Variants in TAOK3 observed in about 807,000 individuals in gnomAD.
TAOK3 encodes the protein TAO kinase 3, also known as serine/threonine-protein kinase TAO3.
In TAOK3, 40 loss-of-function variants were observed where a neutral mutation model predicts 120.4. That is an observed-to-expected ratio of 0.33 (90% CI 0.26 to 0.43). The LOEUF is 0.43. Ranked by LOEUF, TAOK3 falls within the 20% of genes least tolerant of loss-of-function variation. The pLI is 1.00. For missense variants in TAOK3, 821 were observed against 1,112.1 expected, an observed-to-expected ratio of 0.74 and a Z score of 3.72; for synonymous variants, 355 against 387.5, an observed-to-expected ratio of 0.92 and a Z score of 0.99.
chr12:118,308,311 C>T (rs2140810571), intron 1 of TAOK3, among the ~76,000 whole-genome samples: 1 of 152,202 alleles, frequency 6.6e-6, no homozygotes, highest in Admixed American at 6.5e-5. Flanking sequence ...AAGAAATAAC[C>T]ATAAAACTGG....
At chr12:118,300,828 T>G (rs12828565) in intron 1 of TAOK3, among the ~76,000 whole-genome samples, 1 of 152,060 alleles carries the variant, frequency 6.6e-6, no homozygotes, top group Admixed American at 6.6e-5. Context: ...CAGGCTGGAG[T>G]GCAATGGCAC....
At chr12:118,214,752 T>C (rs995560787) in intron 9 of TAOK3, among the ~76,000 whole-genome samples, 7 of 150,358 alleles carry the variant, frequency 4.7e-5, no homozygotes, top group Admixed American at 1.3e-4. Context: ...CTTTCTTTTT[T>C]TTTTTTTTTT....
intron 1 of TAOK3, among the ~76,000 whole-genome samples, chr12:118,323,180 T>C (rs1465915020): frequency 2.6e-5 from 4 of 152,186 alleles, no homozygotes; most frequent in African/African-American, 9.7e-5. Flanking sequence ...GCTTGTCCTA[T>C]TGTGTAGTAA....
chr12:118,329,862 A>C (rs950659634), intron 1 of TAOK3, among the ~76,000 whole-genome samples: 1 of 152,174 alleles, frequency 6.6e-6, no homozygotes, highest in Non-Finnish European at 1.5e-5. Context: ...TTCCGCCAGG[A>C]CTCAGAAATG....
chr12:118,309,870 C>G (rs1426435630), intron 1 of TAOK3, among the ~76,000 whole-genome samples: 3 of 152,018 alleles, frequency 2.0e-5, no homozygotes, highest in Non-Finnish European at 4.4e-5. Flanking sequence ...GCAGATTATC[C>G]ACAATTATTA....
chr12:118,181,913 G>A (rs897963529), intron 14 of TAOK3, among the ~76,000 whole-genome samples: 3 of 152,206 alleles, frequency 2.0e-5, no homozygotes, highest in Non-Finnish European at 4.4e-5. Context: ...GGCCGGGCAC[G>A]ATGGCTTACG....
intron 1 of TAOK3, among the ~76,000 whole-genome samples, chr12:118,353,497 CAGA>C (rs1288798533): frequency 2.6e-5 from 4 of 151,782 alleles, no homozygotes; most frequent in East Asian, 1.9e-4. Context: ...GAAAGTCAAG[CAGA>C]AGAAGTTAGA....
chr12:118,360,660 A>G, intron 1 of TAOK3, among the ~76,000 whole-genome samples: 1 of 152,234 alleles, frequency 6.6e-6, no homozygotes, highest in East Asian at 1.9e-4. Context: ...GGCACTAGGA[A>G]TACAATAATG....
chr12:118,198,932 G>T, intron 13 of TAOK3, 119 bp downstream of exon 13: 1 of 1,037,562 alleles, frequency 9.6e-7, no homozygotes, highest in Non-Finnish European at 1.5e-6. Context: ...CACATGCCAG[G>T]TTTAGTACCA....
intron 5 of TAOK3, 133 bp from the exon 6 acceptor site, chr12:118,239,405 AT>A: frequency 3.6e-6 from 2 of 562,182 alleles, no homozygotes; most frequent in African/African-American, 2.0e-5. Flanking sequence ...CTTGGACTGA[AT>A]TTTTGTCATC....
At chr12:118,350,437 G>A (rs186235137) in intron 1 of TAOK3, among the ~76,000 whole-genome samples, 11 of 152,260 alleles carry the variant, frequency 7.2e-5, no homozygotes, top group East Asian at 1.9e-4. Flanking sequence ...ATAGAGGTTC[G>A]TTGAGATACT....
intron 1 of TAOK3, among the ~76,000 whole-genome samples, chr12:118,345,565 C>T (rs527923086): frequency 6.6e-6 from 1 of 152,176 alleles, no homozygotes; most frequent in Admixed American, 6.5e-5. Context: ...CAAGCCCTGG[C>T]TGCTCAAAAG....
chr12:118,191,116 TAAA>T (rs2037409869), intron 13 of TAOK3, among the ~76,000 whole-genome samples: 1 of 152,166 alleles, frequency 6.6e-6, no homozygotes. Flanking sequence ...AAACAAAAAT[TAAA>T]GAAGTTTAGA....
chr12:118,331,768 A>G (rs2044160380), intron 1 of TAOK3, among the ~76,000 whole-genome samples: 1 of 151,862 alleles, frequency 6.6e-6, no homozygotes, highest in Admixed American at 6.6e-5. Context: ...GTATTAATAA[A>G]TAAAAGCATT....
intron 1 of TAOK3, among the ~76,000 whole-genome samples, chr12:118,367,928 T>G (rs1316220790): frequency 6.6e-6 from 1 of 152,106 alleles, no homozygotes; most frequent in Non-Finnish European, 1.5e-5. Flanking sequence ...CAAATATGAA[T>G]ACCGGCCGGC....
chr12:118,215,542 A>T (rs2038859364), intron 9 of TAOK3, among the ~76,000 whole-genome samples: 1 of 151,762 alleles, frequency 6.6e-6, no homozygotes, highest in African/African-American at 2.4e-5. Context: ...AAAAATCACT[A>T]ACAGAGCATG....
intron 1 of TAOK3, among the ~76,000 whole-genome samples, chr12:118,312,954 G>C (rs2043314649): frequency 6.8e-6 from 1 of 146,168 alleles, no homozygotes; most frequent in South Asian, 2.1e-4. Flanking sequence ...ATCTGCTGGT[G>C]AGGCTCTATT....
At chr12:118,199,489 C>A in intron 12 of TAOK3, 1 of 556,698 alleles carries the variant, frequency 1.8e-6, no homozygotes, top group Non-Finnish European at 3.2e-6. Flanking sequence ...CATAAGGCTC[C>A]AAATGCTGCC....
chr12:118,152,128 A>G (rs1592946676), intron 20 of TAOK3, 99 bp downstream of exon 20: 1 of 1,159,954 alleles, frequency 8.6e-7, no homozygotes, highest in East Asian at 2.4e-5. Context: ...AAAAGTGCCC[A>G]GTTTAATCTC....
Sources: gnomAD v4.1 joint callset for allele counts (sites outside exome capture counted in the v4.1 genomes callset) on GRCh38, gnomAD v4.1.1 for gene constraint, MANE v1.5 for transcripts, NCBI Gene and HGNC (gene_info 2026-07-23, HGNC 2026-07-21) for gene names.